LPAR3: variants seen among roughly 807,000 people sequenced by gnomAD.
LPAR3 encodes LPA receptor 3.
In LPAR3, 7 loss-of-function variants were observed where a neutral mutation model predicts 17.8. The observed-to-expected ratio is 0.39, with a 90% confidence interval of 0.22 to 0.74. The LOEUF (loss-of-function observed/expected upper bound fraction) is 0.74. Ranked by LOEUF, LPAR3 falls within the 30% of genes least tolerant of loss-of-function variation. The pLI is 0.40. For synonymous variants in LPAR3, 179 were observed against 179.9 expected (o/e 0.99, Z 0.04); for missense variants, 391 against 453.4 (o/e 0.86, Z 1.25).
chr1:84,819,730 T>C (rs1170642111), intron 2 of LPAR3, among the ~76,000 whole-genome samples: 7 of 152,210 alleles, frequency 4.6e-5, no homozygotes, highest in Non-Finnish European at 1.0e-4. Flanking sequence ...AAAAGTAGTC[T>C]ACAGGCAAGG....
intron 2 of LPAR3, among the ~76,000 whole-genome samples, chr1:84,819,146 C>T (rs1033704971): frequency 1.3e-5 from 2 of 152,170 alleles, no homozygotes; most frequent in Non-Finnish European, 2.9e-5. Context: ...TGGAATTATA[C>T]AATTTCATAT....
At chr1:84,882,015 T>C (rs569506430) in intron 1 of LPAR3, among the ~76,000 whole-genome samples, 1 of 152,236 alleles carries the variant, frequency 6.6e-6, no homozygotes, top group African/African-American at 2.4e-5. Flanking sequence ...ATAAAAGTCA[T>C]ACAGATTGGA....
intron 2 of LPAR3, among the ~76,000 whole-genome samples, chr1:84,862,739 G>A (rs1000548867): frequency 6.6e-6 from 1 of 152,152 alleles, no homozygotes; most frequent in Non-Finnish European, 1.5e-5. Flanking sequence ...CCTCCACTAT[G>A]AACTGCTACC....
intron 2 of LPAR3, among the ~76,000 whole-genome samples, chr1:84,839,303 A>T (rs1471458748): frequency 6.6e-6 from 1 of 152,132 alleles, no homozygotes; most frequent in African/African-American, 2.4e-5. Context: ...TGCACCACAG[A>T]CTGTAGGTTC....
intron 2 of LPAR3, among the ~76,000 whole-genome samples, chr1:84,853,609 T>C (rs953030691): frequency 6.6e-6 from 1 of 152,176 alleles, no homozygotes; most frequent in African/African-American, 2.4e-5. Flanking sequence ...GCAGCCCCGA[T>C]GGGCCTTCTA....
rs182900377 is a variant in LPAR3, at chr1:84,868,633, T to G, written c.-18-2495A>C. 1.2e-3 allele frequency among the ~76,000 whole-genome samples: 189 copies of G among 152,198 alleles called. 1 individual carries two copies. Among genetic ancestry groups the G allele is most frequent in the African/African-American group, 4.3e-3 (178 of 41,522 alleles). On this transcript the variant is annotated intron_variant, in intron 1 of 2. Transcript: ENST00000370611. Reference sequence around the variant, plus strand: ...CACCTAACCCTAACTGCAGTGATATTAATAGGTGGGGACTTTGGGAAGTGA... The same window carrying G: ...CACCTAACCCTAACTGCAGTGATATGAATAGGTGGGGACTTTGGGAAGTGA...
rs1029794719 is a variant in LPAR3 at position 84,813,621 on chromosome 1, G to A, written c.*225C>T. 1.6e-5 allele frequency: 8 copies of A among 508,674 alleles called. No individual in the cohort carries two copies. The highest frequency in any genetic ancestry group is 2.8e-5 in the Non-Finnish European group (8 of 284,200). The allele number at this position is 508,674 out of a possible 1,614,324, so 31.5% of individuals were successfully genotyped here. A position where few individuals can be genotyped will look rare whatever the true frequency, so the allele number is the denominator to read the frequency against. The stretch of plus-strand genomic sequence containing the variant: ...TCTGAGCAGTTCATAGGACAAGCAG[G>A]GACCCGCCGAACCTCTCCCGTTTCT... On this transcript the variant is annotated 3_prime_UTR_variant, in exon 3 of 3. Coordinates refer to ENST00000370611, the MANE Select transcript of LPAR3 (RefSeq NM_012152.3).
Position 84,811,821 on chromosome 1 carries a change from C to T in LPAR3, c.*2025G>A, listed in dbSNP as rs909106851. On this transcript the variant is annotated 3_prime_UTR_variant, in exon 3 of 3. Coordinates refer to ENST00000370611, the MANE Select transcript of LPAR3 (RefSeq NM_012152.3). ...AGCAAAAAAATGTAAACTTCTTTTG[C>T]AAACTACATAAATACTATAATATCT... 1.3e-5 allele frequency: 2 copies of T among 152,096 alleles called. No individual in the cohort carries two copies. The highest frequency in any genetic ancestry group is 4.8e-5 in the African/African-American group (2 of 41,416). The allele number at this position is 152,096 out of a possible 1,614,324, so 9.4% of individuals were successfully genotyped here. A position where few individuals can be genotyped will look rare whatever the true frequency, so the allele number is the denominator to read the frequency against.
At position 84,865,828 on chromosome 1, in the gene LPAR3, G is replaced by T. The variant is rs1473504555; in HGVS notation, c.293C>A (p.Thr98Asn). 4 of 1,614,100 alleles carry T rather than the reference G, an allele frequency of 2.5e-6. No homozygotes were observed. Among genetic ancestry groups the T allele is most frequent in the Non-Finnish European group, 3.4e-6 (4 of 1,180,058 alleles). Residue 98 changes from threonine (T) to asparagine (N), a missense_variant, in exon 2 of 3, where the codon ACT becomes AAT. Transcript: ENST00000370611. ...FNTGPVSKTL[T>N]VNRWFLRQGL... ...CTGACGGAGAAACCAGCGGTTGACA[G>T]TCAAAGTTTTTGAAACTGGGCCTGT... is the stretch of plus-strand genomic sequence containing the variant.
intron 1 of LPAR3, among the ~76,000 whole-genome samples, chr1:84,891,169 A>AAAAG (rs1411303388): frequency 6.6e-6 from 1 of 152,112 alleles, no homozygotes; most frequent in Non-Finnish European, 1.5e-5. Context: ...ATAAAAAAAA[A>AAAAG]AAGAGTGGTA....
At chr1:84,833,624 C>T (rs1331311173) in intron 2 of LPAR3, among the ~76,000 whole-genome samples, 1 of 152,186 alleles carries the variant, frequency 6.6e-6, no homozygotes, top group Non-Finnish European at 1.5e-5. Context: ...CTTCTAGAGC[C>T]AGACCGCTGG....
chr1:84,832,424 G>A (rs1314813215), intron 2 of LPAR3, among the ~76,000 whole-genome samples: 2 of 152,218 alleles, frequency 1.3e-5, no homozygotes, highest in East Asian at 3.9e-4. Context: ...AACTGTCATA[G>A]GCAATAAATG....
At chr1:84,861,329 G>A (rs891722837) in intron 2 of LPAR3, among the ~76,000 whole-genome samples, 3 of 152,144 alleles carry the variant, frequency 2.0e-5, no homozygotes, top group African/African-American at 7.2e-5. Context: ...TGTGGTAGGT[G>A]CTGCTGTCAA....
rs879452714 is a variant in LPAR3, at chr1:84,817,365, C to G, written c.737-3194G>C. ...CATCTCCACATTCTCTATGAATTCT[C>G]CAAGACTACAGAGCCTAGGGTGTGG... On this transcript the variant is annotated intron_variant, in intron 2 of 2. Coordinates refer to ENST00000370611, the MANE Select transcript of LPAR3 (RefSeq NM_012152.3). 8.6e-5 allele frequency among the ~76,000 whole-genome samples: 13 copies of G among 151,996 alleles called. 1 individual carries two copies. Among genetic ancestry groups the G allele is most frequent in the Admixed American group, 3.9e-4 (6 of 15,256 alleles).
Position 84,813,976 on chromosome 1 carries a change from AAGC to A in LPAR3, c.929_931del (p.Cys310del), listed in dbSNP as rs1201168057. ...ACGCCTCTCTGGGTTCTCCTGAGAG[AAGC>A]AGCAGATCATCTTCTTCATGGTGCC... On this transcript the variant is annotated inframe_deletion, in exon 3 of 3. Coordinates refer to ENST00000370611, the MANE Select transcript of LPAR3 (RefSeq NM_012152.3). The A allele has an allele frequency of 6.2e-7, 1 of 1,614,120 alleles. No homozygotes were observed. Among genetic ancestry groups the A allele is most frequent in the Non-Finnish European group, 8.5e-7 (1 of 1,180,010 alleles).
intron 1 of LPAR3, among the ~76,000 whole-genome samples, chr1:84,875,455 T>G (rs1188966041): frequency 6.6e-6 from 1 of 150,998 alleles, no homozygotes; most frequent in Non-Finnish European, 1.5e-5. Context: ...GAGAGTGGAT[T>G]TGTTATCACA....
At chr1:84,879,432 C>A (rs1021342175) in intron 1 of LPAR3, among the ~76,000 whole-genome samples, 1 of 151,378 alleles carries the variant, frequency 6.6e-6, no homozygotes, top group Non-Finnish European at 1.5e-5. Flanking sequence ...CTGCCTCAGC[C>A]TCCCGAGTAG....
intron 2 of LPAR3, among the ~76,000 whole-genome samples, chr1:84,842,055 G>T (rs1183851619): frequency 6.6e-6 from 1 of 152,168 alleles, no homozygotes; most frequent in African/African-American, 2.4e-5. Flanking sequence ...AAACTCAGAT[G>T]AGAAGTGAAG....
At chr1:84,821,445 T>C (rs1002622037) in intron 2 of LPAR3, among the ~76,000 whole-genome samples, 1 of 152,210 alleles carries the variant, frequency 6.6e-6, no homozygotes, top group East Asian at 1.9e-4. Context: ...TCTTATATTT[T>C]AGAGTAAATT....
Sources: gnomAD v4.1 joint callset for allele counts (sites outside exome capture counted in the v4.1 genomes callset) on GRCh38, gnomAD v4.1.1 for gene constraint, MANE v1.5 for transcripts, NCBI Gene and HGNC (gene_info 2026-07-23, HGNC 2026-07-21) for gene names.